RABGEF1: variants seen among roughly 807,000 people sequenced by gnomAD.
RABGEF1 encodes the protein RAB guanine nucleotide exchange factor 1, also known as rab5 GDP/GTP exchange factor.
RABGEF1 carries 26 observed loss-of-function variants against 57.3 expected under a neutral mutation model. The ratio of observed to expected loss-of-function variants is 0.45; its 90% CI spans 0.33 to 0.63. The LOEUF is 0.63. RABGEF1 is among the 20% of genes least tolerant of loss of function. The pLI, the probability that RABGEF1 is intolerant of heterozygous loss-of-function variation, is 0.02. For synonymous variants in RABGEF1, 185 were observed against 210.7 expected (o/e 0.88, Z 1.06); for missense variants, 464 against 607.6 (o/e 0.76, Z 2.48).
chr7:66,767,990 C>A (rs954890423), intron 1 of RABGEF1, among the ~76,000 whole-genome samples: 1 of 152,094 alleles, frequency 6.6e-6, no homozygotes, highest in Non-Finnish European at 1.5e-5. Context: ...TGTATGGGTG[C>A]ACCATAGTTT....
intron 1 of RABGEF1, among the ~76,000 whole-genome samples, chr7:66,682,936 G>T (rs927477658): frequency 2.0e-5 from 3 of 152,198 alleles, no homozygotes; most frequent in African/African-American, 7.2e-5. Context: ...TGCCGCTTTG[G>T]AGGCTAGGTC....
chr7:66,710,530 A>G (rs1432409583), intron 1 of RABGEF1, among the ~76,000 whole-genome samples: 2 of 152,182 alleles, frequency 1.3e-5, no homozygotes, highest in Non-Finnish European at 2.9e-5. Context: ...GTCATTTTAT[A>G]TCTTTGTCAG....
Position 66,811,342 on chromosome 7 carries a change from G to A in RABGEF1, c.*2058G>A, listed in dbSNP as rs552716267. The A allele has an allele frequency of 7.2e-5, 11 of 152,118 alleles. No individual in the cohort carries two copies. The South Asian group carries it at 1.5e-3, about 20-fold the overall frequency. The allele number at this position is 152,118 out of a possible 1,614,324, so 9.4% of individuals were successfully genotyped here. On this transcript the variant is annotated 3_prime_UTR_variant, in exon 9 of 9. Coordinates refer to ENST00000284957, the MANE Select transcript of RABGEF1 (RefSeq NM_014504.3). ...TTAAGTCAGCATCAATACAACGGCC[G>A]GAGTTTCTGTTTTTGCAATAAGAAG...
chr7:66,733,578 A>G (rs1168273447), intron 2 of RABGEF1, among the ~76,000 whole-genome samples: 1 of 152,128 alleles, frequency 6.6e-6, no homozygotes, highest in East Asian at 1.9e-4. Flanking sequence ...CATTCCTGTA[A>G]TCCCAGCTAC....
the RABGEF1 span, among the ~76,000 whole-genome samples, chr7:66,659,182 G>A: frequency 2.0e-5 from 3 of 152,204 alleles, no homozygotes; most frequent in African/African-American, 7.2e-5. Flanking sequence ...GCTGGGTGTG[G>A]TGGCTCACGC....
chr7:66,711,846 A>G (rs1211903609), intron 1 of RABGEF1, among the ~76,000 whole-genome samples: 1 of 152,118 alleles, frequency 6.6e-6, no homozygotes, highest in Non-Finnish European at 1.5e-5. Context: ...TCGGCCTCCC[A>G]GAGTGCTGGG....
intron 1 of RABGEF1, among the ~76,000 whole-genome samples, chr7:66,707,207 C>A (rs1794229671): frequency 6.6e-6 from 1 of 152,160 alleles, no homozygotes; most frequent in Non-Finnish European, 1.5e-5. Flanking sequence ...TGAATTACTT[C>A]AGATTTTAAC....
intron 2 of RABGEF1, among the ~76,000 whole-genome samples, chr7:66,718,565 T>TAA (rs34193736): frequency 1.1e-3 from 169 of 150,392 alleles, no homozygotes; most frequent in Middle Eastern, 3.4e-3. Flanking sequence ...GTTTAATTTA[T>TAA]AAAAAAAAAA....
At chr7:66,802,454 T>C (rs548823099) in intron 7 of RABGEF1, among the ~76,000 whole-genome samples, 1 of 152,190 alleles carries the variant, frequency 6.6e-6, no homozygotes, top group Non-Finnish European at 1.5e-5. Flanking sequence ...GTGTTTCCTA[T>C]TCATGTGAAG....
At chr7:66,734,357 C>G (rs4718391) in intron 2 of RABGEF1, among the ~76,000 whole-genome samples, 5,999 of 152,240 alleles carry the variant, frequency 0.039, 166 homozygotes, top group East Asian at 0.085. Flanking sequence ...CACCTCCTAG[C>G]TGTGTATTCT....
intron 4 of RABGEF1, among the ~76,000 whole-genome samples, chr7:66,790,970 C>T (rs1269615500): frequency 1.3e-5 from 2 of 152,232 alleles, no homozygotes; most frequent in East Asian, 1.9e-4. Flanking sequence ...CTGGACCCTT[C>T]TGTCTGCACT....
rs374341638 is a variant in RABGEF1 at position 66,726,847 on chromosome 7, T to C, written c.-814-13149T>C. On this transcript the variant is annotated intron_variant and NMD_transcript_variant, in intron 2 of 9. Transcript: ENST00000607882. ...GGTGAAACCCTGTCTTTACTAAAAATACAAAAATTAGCTGGGTGTGGTGGC... is the reference window on the plus strand; with the variant it reads ...GGTGAAACCCTGTCTTTACTAAAAACACAAAAATTAGCTGGGTGTGGTGGC... Among the ~76,000 whole-genome samples, 144 of 152,056 alleles carry C rather than the reference T, an allele frequency of 9.5e-4. 1 individual carries two copies. In the Middle Eastern group the frequency reaches 0.017, roughly 18 times the overall value.
intron 3 of RABGEF1, among the ~76,000 whole-genome samples, chr7:66,782,312 A>AGCACCACTG (rs1284645635): frequency 6.6e-6 from 1 of 152,130 alleles, no homozygotes; most frequent in Non-Finnish European, 1.5e-5. Context: ...CTAGTTCCTA[A>AGCACCACTG]GCACCACTGC....
At chr7:66,806,521 A>G (rs1420239436) in intron 8 of RABGEF1, among the ~76,000 whole-genome samples, 1 of 151,526 alleles carries the variant, frequency 6.6e-6, no homozygotes, top group East Asian at 1.9e-4. Context: ...GATCAGAATG[A>G]TGCTTTTACC....
intron 2 of RABGEF1, among the ~76,000 whole-genome samples, chr7:66,728,737 T>TCCATCCTCACCTCGACCCTCACCG (rs1170952844): frequency 1.3e-5 from 2 of 151,028 alleles, no homozygotes; most frequent in Non-Finnish European, 3.0e-5. Context: ...CACCTTCACC[T>TCCATCCTCACCTCGACCCTCACCG]CCATCCTCAC....
At chr7:66,807,375 C>G (rs956894247) in intron 8 of RABGEF1, among the ~76,000 whole-genome samples, 2 of 152,216 alleles carry the variant, frequency 1.3e-5, no homozygotes, top group African/African-American at 4.8e-5. Context: ...GTCCTTTGTT[C>G]TGCAACTTCT....
At chr7:66,686,476 A>C (rs935154890) in intron 1 of RABGEF1, among the ~76,000 whole-genome samples, 21 of 152,162 alleles carry the variant, frequency 1.4e-4, no homozygotes, top group Non-Finnish European at 1.3e-4. Flanking sequence ...TGTCTCCATA[A>C]AAAGAAGTTT....
At chr7:66,674,483 C>T in the RABGEF1 span, among the ~76,000 whole-genome samples, 1 of 152,096 alleles carries the variant, frequency 6.6e-6, no homozygotes, top group Non-Finnish European at 1.5e-5. Flanking sequence ...CCACTGCGCC[C>T]GTCCTAAAGG....
At chr7:66,735,165 C>T (rs1797803945) in intron 2 of RABGEF1, among the ~76,000 whole-genome samples, 1 of 152,156 alleles carries the variant, frequency 6.6e-6, no homozygotes, top group Non-Finnish European at 1.5e-5. Flanking sequence ...CTAATTTCCT[C>T]CCCCCTCAAA....
Sources: gnomAD v4.1 joint callset for allele counts (sites outside exome capture counted in the v4.1 genomes callset) on GRCh38, gnomAD v4.1.1 for gene constraint, MANE v1.5 for transcripts, NCBI Gene and HGNC (gene_info 2026-07-23, HGNC 2026-07-21) for gene names.